The following PIK3C2A variants were observed in gnomAD, a reference collection of about 807,000 sequenced individuals.
The protein encoded by PIK3C2A is phosphatidylinositol 4-phosphate 3-kinase C2 domain-containing subunit alpha.
PIK3C2A carries 97 observed loss-of-function variants against 204.5 expected under a neutral mutation model. That is an observed-to-expected ratio of 0.47 (90% CI 0.40 to 0.56). PIK3C2A has a LOEUF of 0.56. Ranked by LOEUF, PIK3C2A falls within the 20% of genes least tolerant of loss-of-function variation. The probability of loss-of-function intolerance (pLI) is 0.00; values close to 1 mark genes in which losing one functional copy is unlikely to be tolerated. For missense variants in PIK3C2A, 1,735 were observed against 1,969.2 expected (o/e 0.88, Z 2.25); for synonymous variants, 653 against 664.4 (o/e 0.98, Z 0.26).
At chr11:17,115,148 C>T (rs926953348) in intron 19 of PIK3C2A, among the ~76,000 whole-genome samples, 1 of 151,908 alleles carries the variant, frequency 6.6e-6, no homozygotes, top group African/African-American at 2.4e-5. Context: ...TTGCAAGTGT[C>T]CCCTGAATAG....
chr11:17,166,677 T>G (rs1452308788), intron 2 of PIK3C2A, among the ~76,000 whole-genome samples: 1 of 152,178 alleles, frequency 6.6e-6, no homozygotes, highest in African/African-American at 2.4e-5. Context: ...ACAAGGGGCT[T>G]CCTTTTCTTT....
At position 17,179,589 on chromosome 11, in the gene PIK3C2A, C is replaced by G. The variant is rs145217159; in HGVS notation, c.-65-9783G>C. Among the ~76,000 whole-genome samples, 580 of 152,264 alleles carry G rather than the reference C, an allele frequency of 3.8e-3. 2 individuals carry two copies. Among genetic ancestry groups the G allele is most frequent in the African/African-American group, 0.013 (531 of 41,548 alleles). On this transcript the variant is annotated intron_variant, in intron 1 of 32. Transcript: ENST00000691414. ...TTTTAGAGAGAAATGTGTTCACAAT[C>G]AACCACATAGGATAAGTTACAAAAA...
rs564191486 is a variant in PIK3C2A, at chr11:17,108,428, CCT to C, written c.3544+2002_3544+2003del. On this transcript the variant is annotated intron_variant, in intron 22 of 32. Transcript: ENST00000691414. ...CCGGCCTCGACAACATAGTGAGACC[CCT>C]GTCTTTATGAAAAATTTTAAAAATT... Among the ~76,000 whole-genome samples, 16 of 152,118 alleles carry C rather than the reference CCT, an allele frequency of 1.1e-4. No homozygotes were observed. In the South Asian group the frequency reaches 3.3e-3, roughly 32 times the overall value.
chr11:17,177,206 A>G (rs949373292), intron 1 of PIK3C2A, among the ~76,000 whole-genome samples: 7 of 152,204 alleles, frequency 4.6e-5, no homozygotes, highest in Non-Finnish European at 7.3e-5. Context: ...ATTTTAATAA[A>G]TTTGTTTCTT....
In PIK3C2A at chr11:17,145,687, T is replaced by C. The variant is rs777144610; in HGVS notation, c.1685A>G (p.Glu562Gly). The C allele has an allele frequency of 4.4e-6, 7 of 1,606,296 alleles. No homozygotes were observed. The South Asian group carries it at 7.7e-5, about 18-fold the overall frequency. Reference sequence around the variant, plus strand: ...ACTTACTTCAATTTGAAGAGCCAGTTCTACTTGGTTGTGATAAGAATCTAA... The same window carrying C: ...ACTTACTTCAATTTGAAGAGCCAGTCCTACTTGGTTGTGATAAGAATCTAA... Reference protein sequence around the residue: ...ELLDSYHNQVELALQIENQHR... With the variant: ...ELLDSYHNQVGLALQIENQHR... The change falls in exon 8 of 33, where the codon GAA becomes GGA. Residue 562 changes from glutamate (E) to glycine (G), a missense_variant. Glu to Gly is a moderately conservative substitution (Grantham distance 98). Coordinates refer to ENST00000691414, the MANE Select transcript of PIK3C2A (RefSeq NM_002645.4).
At chr11:17,165,110 C>G (rs1319589899) in intron 2 of PIK3C2A, among the ~76,000 whole-genome samples, 1 of 152,056 alleles carries the variant, frequency 6.6e-6, no homozygotes, top group Non-Finnish European at 1.5e-5. Flanking sequence ...GCATTAACAA[C>G]CTGTGCTTTG....
rs1848256151 is a variant in PIK3C2A, at chr11:17,089,975, T to C, written c.4879-55A>G. ...CACAAATTAAAGTTTGTTTGGTTTC[T>C]TGGAACATTTCAAGTGAAAACGTGA... On this transcript the variant is annotated intron_variant, in intron 32 of 32. Transcript: ENST00000691414. 5 of 1,334,716 alleles carry C rather than the reference T, an allele frequency of 3.7e-6. No homozygotes were observed. The South Asian group carries it at 5.6e-5, about 15-fold the overall frequency. The allele number at this position is 1,334,716 out of a possible 1,614,324, so 82.7% of individuals were successfully genotyped here.
intron 8 of PIK3C2A, among the ~76,000 whole-genome samples, chr11:17,136,828 G>A (rs922698194): frequency 2.6e-5 from 4 of 152,072 alleles, no homozygotes; most frequent in South Asian, 2.1e-4. Flanking sequence ...TTTTCACTTC[G>A]TCTGACACAA....
At position 17,144,975 on chromosome 11, in the gene PIK3C2A, G is replaced by A. The variant is rs555297237; in HGVS notation, c.1704+693C>T. On this transcript the variant is annotated intron_variant, in intron 8 of 32. Coordinates refer to ENST00000691414, the MANE Select transcript of PIK3C2A (RefSeq NM_002645.4). ...TGGATTTTGGACTTGCATGGGGCCT[G>A]TAGCCCCTTTGTTTTGGCCAATCTC... Among the ~76,000 whole-genome samples the A allele has an allele frequency of 2.7e-5, 4 of 149,016 alleles. 1 individual carries two copies. In the East Asian group the frequency reaches 8.0e-4, roughly 30 times the overall value.
chr11:17,159,990 A>G (rs1033541532), intron 2 of PIK3C2A, among the ~76,000 whole-genome samples: 2 of 152,226 alleles, frequency 1.3e-5, no homozygotes, highest in Admixed American at 6.5e-5. Context: ...CACATTAAGC[A>G]GGGAATTTGC....
chr11:17,157,459 CA>C (rs11387654), intron 2 of PIK3C2A, among the ~76,000 whole-genome samples: 4,545 of 99,556 alleles, frequency 0.046, 81 homozygotes, highest in Non-Finnish European at 0.06. Context: ...GACTCTGTCT[CA>C]AAAAAAAAAA....
At chr11:17,170,334 T>G (rs1013574015) in intron 1 of PIK3C2A, among the ~76,000 whole-genome samples, 1 of 152,168 alleles carries the variant, frequency 6.6e-6, no homozygotes, top group Non-Finnish European at 1.5e-5. Flanking sequence ...TGTGCAAAAC[T>G]GATAAAGGTT....
rs1420029141 is a variant in PIK3C2A at position 17,114,481 on chromosome 11, T to G, written c.3217-16A>C. 1.8e-6 allele frequency: 2 copies of G among 1,098,660 alleles called. No homozygotes were observed. Among genetic ancestry groups the G allele is most frequent in the South Asian group, 1.3e-5 (1 of 79,306 alleles). 68.1% of individuals were successfully genotyped at this position (1,098,660 alleles called of 1,614,324 possible). On this transcript the variant is annotated splice_polypyrimidine_tract_variant and intron_variant, in intron 19 of 32. Coordinates refer to ENST00000691414, the MANE Select transcript of PIK3C2A (RefSeq NM_002645.4). The stretch of plus-strand genomic sequence containing the variant: ...GGAGAACAACCTATAGAAAGAGATG[T>G]GATACTGTAAGTACATAATGAAAAT...
chr11:17,136,425 C>A, intron 9 of PIK3C2A, 57 bp downstream of exon 9: 1 of 1,338,120 alleles, frequency 7.5e-7, no homozygotes, highest in East Asian at 2.3e-5. Context: ...AGGCAAAAAT[C>A]TCCTGTTTAA....
intron 32 of PIK3C2A, among the ~76,000 whole-genome samples, chr11:17,091,121 G>C (rs1008590871): frequency 2.6e-5 from 4 of 152,002 alleles, no homozygotes; most frequent in Non-Finnish European, 5.9e-5. Context: ...GGGCCTGTTG[G>C]GGGATGGGAT....
intron 26 of PIK3C2A, 61 bp from the exon 27 acceptor site, chr11:17,097,325 T>A (rs1295235538): frequency 1.9e-6 from 2 of 1,046,240 alleles, no homozygotes; most frequent in South Asian, 1.4e-5. Context: ...ATTCTTTCAA[T>A]GTAATAAATG....
chr11:17,165,343 G>A (rs1850908998), intron 2 of PIK3C2A, among the ~76,000 whole-genome samples: 1 of 152,104 alleles, frequency 6.6e-6, no homozygotes, highest in Admixed American at 6.5e-5. Context: ...CTCCAAATCA[G>A]GACTGAGTAG....
At chr11:17,168,408 C>T (rs1434535867) in intron 2 of PIK3C2A, among the ~76,000 whole-genome samples, 10 of 151,976 alleles carry the variant, frequency 6.6e-5, no homozygotes, top group African/African-American at 1.7e-4. Flanking sequence ...AGTGAAACCC[C>T]GTCTCTATTA....
At chr11:17,200,947 T>C (rs1018174378) in intron 1 of PIK3C2A, among the ~76,000 whole-genome samples, 2 of 152,224 alleles carry the variant, frequency 1.3e-5, no homozygotes, top group African/African-American at 4.8e-5. Context: ...GGCTCATGCC[T>C]GTAATCCCAG....
Sources: gnomAD v4.1 joint callset for allele counts (sites outside exome capture counted in the v4.1 genomes callset) on GRCh38, gnomAD v4.1.1 for gene constraint, MANE v1.5 for transcripts, NCBI Gene and HGNC (gene_info 2026-07-23, HGNC 2026-07-21) for gene names.